The following SMAD5 variants were observed in gnomAD, a reference collection of about 807,000 sequenced individuals.
SMAD5 encodes the protein SMAD family member 5.
SMAD5 carries 9 observed loss-of-function variants against 43.1 expected under a neutral mutation model. The ratio of observed to expected loss-of-function variants is 0.21; its 90% CI spans 0.13 to 0.36. The LOEUF is 0.36. Among genes scored for constraint, SMAD5 ranks in the 10% least tolerant of loss-of-function variants. The pLI is 1.00. For missense variants in SMAD5, 348 were observed against 574.0 expected, an observed-to-expected ratio of 0.61 and a Z score of 4.02; for synonymous variants, 190 against 192.4, an observed-to-expected ratio of 0.99 and a Z score of 0.10.
chr5:136,136,383 C>T (rs1274039946), intron 1 of SMAD5, among the ~76,000 whole-genome samples: 1 of 152,040 alleles, frequency 6.6e-6, no homozygotes, highest in Non-Finnish European at 1.5e-5. Context: ...TCACCATGTT[C>T]GCCAGGCTGG....
intron 1 of SMAD5, among the ~76,000 whole-genome samples, chr5:136,136,120 G>A (rs570212069): frequency 1.1e-4 from 16 of 152,294 alleles, no homozygotes; most frequent in Non-Finnish European, 1.8e-4. Context: ...AAGGAAGCTG[G>A]GATGCAATAT....
Position 136,181,640 on chromosome 5 carries a change from C to T in SMAD5, c.*4160C>T, listed in dbSNP as rs1335381399. 2 of 152,140 alleles carry T rather than the reference C, an allele frequency of 1.3e-5. No homozygotes were observed. Among genetic ancestry groups the T allele is most frequent in the African/African-American group, 2.4e-5 (1 of 41,434 alleles). 9.4% of individuals were successfully genotyped at this position (152,140 alleles called of 1,614,324 possible). A position where few individuals can be genotyped will look rare whatever the true frequency, so the allele number is the denominator to read the frequency against. On this transcript the variant is annotated 3_prime_UTR_variant, in exon 8 of 8. Coordinates refer to ENST00000545279, the MANE Select transcript of SMAD5 (RefSeq NM_005903.7). ...CTGAATCGAATGTGAGAATTGAAGGCATTTCTTCTGCATAAACAAAGAATT... is the reference window on the plus strand; with the variant it reads ...CTGAATCGAATGTGAGAATTGAAGGTATTTCTTCTGCATAAACAAAGAATT...
intron 1 of SMAD5, among the ~76,000 whole-genome samples, chr5:136,144,601 A>G (rs984319247): frequency 8.6e-5 from 13 of 150,650 alleles, no homozygotes; most frequent in Non-Finnish European, 1.6e-4. Flanking sequence ...TTAGATATAT[A>G]TAAATATATC....
chr5:136,137,279 C>CCCCCCCCCCT (rs1554101163), intron 1 of SMAD5, among the ~76,000 whole-genome samples: 1 of 150,124 alleles, frequency 6.7e-6, no homozygotes, highest in African/African-American at 2.5e-5. Context: ...GACCCCCCCC[C>CCCCCCCCCCT]GCATCTCTTC....
chr5:136,136,944 G>T (rs956174657), intron 1 of SMAD5, among the ~76,000 whole-genome samples: 5 of 151,750 alleles, frequency 3.3e-5, no homozygotes, highest in African/African-American at 1.2e-4. Context: ...TGATCTGCCC[G>T]CTATGGCCTC....
At chr5:136,138,196 A>G (rs541947498) in intron 1 of SMAD5, among the ~76,000 whole-genome samples, 1 of 152,302 alleles carries the variant, frequency 6.6e-6, no homozygotes, top group East Asian at 1.9e-4. Flanking sequence ...ACTGGGAAAC[A>G]AAAGTCTGGC....
At chr5:136,149,903 A>G (rs1267314161) in intron 2 of SMAD5, among the ~76,000 whole-genome samples, 1 of 151,822 alleles carries the variant, frequency 6.6e-6, no homozygotes, top group Non-Finnish European at 1.5e-5. Flanking sequence ...TAAAACTGAC[A>G]CCTATTGTTC....
chr5:136,177,980 G>T lies in SMAD5; in HGVS notation c.*500G>T, dbSNP rs1754485892. The T allele has an allele frequency of 6.5e-6, 1 of 152,734 alleles. No homozygotes were observed. 9.5% of individuals were successfully genotyped at this position (152,734 alleles called of 1,614,324 possible). ...AAAAGTGTATGGTAGGGGCTTAAAA[G>T]AAACTATAAAGTTTTATTTGAATGA... On this transcript the variant is annotated 3_prime_UTR_variant, in exon 8 of 8. Coordinates refer to ENST00000545279, the MANE Select transcript of SMAD5 (RefSeq NM_005903.7).
Position 136,160,027 on chromosome 5 carries a change from A to G in SMAD5, c.404-829A>G, listed in dbSNP as rs546300318. On this transcript the variant is annotated intron_variant, in intron 3 of 7. Transcript: ENST00000545279. ...AATCAGGTTTGTTTCAGTTTCCTGCATGGAAAGGTAATCAGATATTTGAAT... is the reference window on the plus strand; with the variant it reads ...AATCAGGTTTGTTTCAGTTTCCTGCGTGGAAAGGTAATCAGATATTTGAAT... 1.1e-4 allele frequency among the ~76,000 whole-genome samples: 17 copies of G among 152,338 alleles called. No homozygotes were observed. In the East Asian group the frequency reaches 3.3e-3, roughly 29 times the overall value.
chr5:136,149,725 C>T lies in SMAD5; in HGVS notation c.-170+1819C>T, dbSNP rs763466821. 9.9e-5 allele frequency among the ~76,000 whole-genome samples: 15 copies of T among 151,870 alleles called. No individual in the cohort carries two copies. In the Middle Eastern group the frequency reaches 0.01, roughly 103 times the overall value. ...AGTTGAGACGTGGATAACAAGTACT[C>T]GGGTAGCTTGCACATACCACTTTAC... On this transcript the variant is annotated intron_variant, in intron 2 of 7. Transcript: ENST00000545279.
At chr5:136,143,218 T>C (rs554577914) in intron 1 of SMAD5, among the ~76,000 whole-genome samples, 3 of 152,218 alleles carry the variant, frequency 2.0e-5, no homozygotes, top group Admixed American at 6.5e-5. Flanking sequence ...GTTTAAACCT[T>C]AACTTTTCTA....
In SMAD5 at chr5:136,172,514, G is replaced by A. The variant is rs772179566; in HGVS notation, c.856G>A (p.Ala286Thr). The A allele has an allele frequency of 6.2e-7, 1 of 1,612,770 alleles. No homozygotes were observed. The highest frequency in any genetic ancestry group is 1.1e-5 in the South Asian group (1 of 91,062). ...YYELNNRVGE[A>T]FHASSTSVLV... ...TGAATTAAACAATCGTGTTGGAGAA[G>A]CTTTTCATGCATCTTCTACTAGTGT... Residue 286 changes from alanine (A) to threonine (T), a missense_variant, in exon 6 of 8, where the codon GCT becomes ACT. By Grantham distance (58) the Ala-to-Thr change is moderately conservative. Around this residue, in one of 5 missense-constraint regions of SMAD5, gnomAD observed 185 missense variants for 207.0 expected, o/e 0.89. Coordinates refer to ENST00000545279, the MANE Select transcript of SMAD5 (RefSeq NM_005903.7).
chr5:136,149,147 C>T (rs956544582), intron 2 of SMAD5, among the ~76,000 whole-genome samples: 1 of 151,806 alleles, frequency 6.6e-6, no homozygotes, highest in Non-Finnish European at 1.5e-5. Flanking sequence ...TGAGAATTCT[C>T]CATGTTTTAC....
At chr5:136,148,542 A>G (rs1246835778) in intron 2 of SMAD5, among the ~76,000 whole-genome samples, 2 of 151,832 alleles carry the variant, frequency 1.3e-5, no homozygotes, top group Admixed American at 6.6e-5. Flanking sequence ...AGGCAAAACT[A>G]TAAAATACAT....
chr5:136,145,891 A>T (rs980455392), intron 1 of SMAD5, among the ~76,000 whole-genome samples: 1 of 151,896 alleles, frequency 6.6e-6, no homozygotes, highest in Admixed American at 6.6e-5. Context: ...TACTTTGTGA[A>T]AGACATAGAA....
At chr5:136,161,232 T>G (rs1271275440) in intron 4 of SMAD5, 125 bp downstream of exon 4, 1 of 826,448 alleles carries the variant, frequency 1.2e-6, no homozygotes, top group African/African-American at 1.7e-5. Context: ...GACTCTTTAT[T>G]CTTTAGGTAA....
In SMAD5 at chr5:136,161,006, T is replaced by C; in HGVS notation, c.554T>C (p.Phe185Ser). 5 of 1,613,902 alleles carry C rather than the reference T, an allele frequency of 3.1e-6. No individual in the cohort carries two copies. The highest frequency in any genetic ancestry group is 4.2e-6 in the Non-Finnish European group (5 of 1,179,878). ...TTCCACCAGCCCAACAACACTCCTT[T>C]TCCCTTATCTCCAAACAGCCCTTAT... ...DSFHQPNNTPFPLSPNSPYPP... is the reference protein window; with the variant it reads ...DSFHQPNNTPSPLSPNSPYPP... Residue 185 changes from phenylalanine (F) to serine (S), a missense_variant, in exon 4 of 8, where the codon TTT (phenylalanine) becomes TCT (serine). Phe to Ser is a radical substitution (Grantham distance 155). Around this residue, in one of 5 missense-constraint regions of SMAD5, gnomAD observed 185 missense variants for 207.0 expected, o/e 0.89. Transcript: ENST00000545279.
At chr5:136,135,136 CA>C (rs946239648) in intron 1 of SMAD5, among the ~76,000 whole-genome samples, 1 of 152,166 alleles carries the variant, frequency 6.6e-6, no homozygotes, top group Non-Finnish European at 1.5e-5. Context: ...TCCCCTCTGG[CA>C]AAGTCAGCTA....
chr5:136,172,123 A>G (rs1754243381), intron 5 of SMAD5, among the ~76,000 whole-genome samples: 2 of 152,198 alleles, frequency 1.3e-5, no homozygotes, highest in African/African-American at 4.8e-5. Context: ...TGGACTTCCC[A>G]GCCCCCAGAC....
Sources: allele counts gnomAD v4.1 joint callset (sites outside exome capture counted in the v4.1 genomes callset), GRCh38; gene constraint gnomAD v4.1.1; regional missense constraint gnomAD v4.1.1; transcripts MANE v1.5; gene names NCBI Gene and HGNC (gene_info 2026-07-23, HGNC 2026-07-21).